CNTROB: variants seen among roughly 807,000 people sequenced by gnomAD.
The protein encoded by CNTROB is centrobin.
Under a neutral mutation model 115.7 loss-of-function variants are expected in CNTROB, and 82 were observed. The observed-to-expected ratio is 0.71, with a 90% CI of 0.59 to 0.85. The LOEUF (loss-of-function observed/expected upper bound fraction) is 0.85, where lower values mean the gene tolerates loss of function less well. CNTROB is among the 40% of genes least tolerant of loss of function. The pLI is 0.00. For synonymous variants in CNTROB, 439 were observed against 456.4 expected (o/e 0.96, Z 0.49); for missense variants, 1,014 against 1,144.4 (o/e 0.89, Z 1.64).
At position 7,933,321 on chromosome 17, in the gene CNTROB, T is replaced by C; in HGVS notation, c.242T>C (p.Val81Ala). The change falls in exon 1 of 19, where the codon GTC becomes GCC. Residue 81 changes from valine to alanine, a missense_variant. Physicochemically the swap from Val to Ala is moderately conservative, Grantham distance 64. Transcript: ENST00000563694. ...FAQELSRSLS[V>A]GLEKNLKKKD... ...CAAGAATTGAGTCGAAGCTTGTCAG[T>C]CGGATTGGAAAAGAACTTGAAGAAA... The C allele has an allele frequency of 6.2e-7, 1 of 1,613,830 alleles. No homozygotes were observed. The highest frequency in any genetic ancestry group is 1.7e-5 in the Admixed American group (1 of 59,958).
At chr17:7,934,442 G>C in intron 2 of CNTROB, 23 bp from the exon 3 acceptor site, 2 of 1,611,438 alleles carry the variant, frequency 1.2e-6, no homozygotes, top group Non-Finnish European at 1.7e-6. Context: ...CTCTGGCTTT[G>C]GGGTCCCTCT....
chr17:7,938,029 G>A (rs1407679629), intron 7 of CNTROB, among the ~76,000 whole-genome samples: 1 of 119,728 alleles, frequency 8.4e-6, no homozygotes, highest in Non-Finnish European at 1.6e-5. Flanking sequence ...TTGAGACAGG[G>A]TCGCGCTCTG....
chr17:7,949,217 A>C (rs984052441), intron 18 of CNTROB, 60 bp downstream of exon 18: 7 of 1,567,440 alleles, frequency 4.5e-6, no homozygotes, highest in Non-Finnish European at 6.2e-6. Flanking sequence ...CAGCTCCTTC[A>C]CCTCTGCACA....
intron 7 of CNTROB, among the ~76,000 whole-genome samples, chr17:7,937,948 G>T (rs577374569): frequency 2.9e-4 from 44 of 150,976 alleles, no homozygotes; most frequent in African/African-American, 1.0e-3. Context: ...GACCTCTGGT[G>T]TAGGGCATGG....
At position 7,936,713 on chromosome 17, in the gene CNTROB, G is replaced by A; in HGVS notation, c.724G>A (p.Val242Met). Residue 242 changes from valine (V) to methionine (M), a missense_variant, in exon 6 of 19, where the codon GTG becomes ATG. Physicochemically the swap from Val to Met is conservative, Grantham distance 21. Coordinates refer to ENST00000563694, the MANE Select transcript of CNTROB (RefSeq NM_053051.5). ...IEQLDKTLAR[V>M]VEGWNRHEAE... Reference sequence around the variant, plus strand: ...TGCCCTACCTAAGACCCTGGCCCGTGTGGTGGAGGGCTGGAACCGGCATGA... The same window carrying A: ...TGCCCTACCTAAGACCCTGGCCCGTATGGTGGAGGGCTGGAACCGGCATGA... 5.5e-6 allele frequency: 8 copies of A among 1,465,674 alleles called. No individual in the cohort carries two copies. The highest frequency in any genetic ancestry group is 7.7e-6 in the Non-Finnish European group (8 of 1,044,438). 90.8% of individuals were successfully genotyped at this position (1,465,674 alleles called of 1,614,324 possible).
intron 9 of CNTROB, 79 bp downstream of exon 9, chr17:7,940,321 C>A (rs1323951522): frequency 2.3e-6 from 3 of 1,321,884 alleles, no homozygotes; most frequent in South Asian, 1.5e-5. Context: ...GGAGTTGTGG[C>A]AGACACTCCC....
At position 7,944,319 on chromosome 17, in the gene CNTROB, G is replaced by A. The variant is rs745812613; in HGVS notation, c.1571+71G>A. 4 of 1,571,678 alleles carry A rather than the reference G, an allele frequency of 2.5e-6. No homozygotes were observed. Among genetic ancestry groups the A allele is most frequent in the East Asian group, 2.2e-5 (1 of 44,676 alleles). ...ATGGGTAGAGCCCAAACTGGGAACGGTGAAGAGCTGCTCCCTTGATTGATC... is the reference window on the plus strand; with the variant it reads ...ATGGGTAGAGCCCAAACTGGGAACGATGAAGAGCTGCTCCCTTGATTGATC... On this transcript the variant is annotated intron_variant, in intron 11 of 18. Transcript: ENST00000563694. The surrounding 1 kb of genome is among the most constrained non-coding windows in gnomAD (Gnocchi z 4.0).
In CNTROB at chr17:7,939,722, G is replaced by T. The variant is rs200520635; in HGVS notation, c.1137G>T (p.Glu379Asp). The T allele has an allele frequency of 1.5e-5, 24 of 1,614,132 alleles. No homozygotes were observed. The East Asian group carries it at 5.3e-4, about 36-fold the overall frequency. ...LKEHYQALQEESQAQLEREKE... is the reference protein window; with the variant it reads ...LKEHYQALQEDSQAQLEREKE... The stretch of plus-strand genomic sequence containing the variant: ...AACACTACCAGGCGCTGCAGGAGGA[G>T]AGCCAGGCTCAGCTGGAAAGGGAGA... Residue 379 changes from glutamate to aspartate, a missense_variant, in exon 8 of 19, where the codon GAG (glutamate) becomes GAT (aspartate). Coordinates refer to ENST00000563694, the MANE Select transcript of CNTROB (RefSeq NM_053051.5). The surrounding 1 kb of genome is among the most constrained non-coding windows in gnomAD (Gnocchi z 4.4).
At chr17:7,938,725 C>T (rs1312668322) in intron 7 of CNTROB, among the ~76,000 whole-genome samples, 1 of 152,210 alleles carries the variant, frequency 6.6e-6, no homozygotes, top group Admixed American at 6.5e-5. Context: ...GTCTACCTGG[C>T]TCTGGAACAG....
intron 13 of CNTROB, among the ~76,000 whole-genome samples, chr17:7,947,283 C>A (rs1482887066): frequency 6.6e-6 from 1 of 152,030 alleles, no homozygotes; most frequent in African/African-American, 2.4e-5. Flanking sequence ...TTACTCATTT[C>A]CATTCTTCAG....
At chr17:7,942,011 A>C (rs1165963535) in intron 9 of CNTROB, among the ~76,000 whole-genome samples, 12 of 151,776 alleles carry the variant, frequency 7.9e-5, no homozygotes, top group Admixed American at 2.6e-4. Flanking sequence ...TCACGCCTGT[A>C]ATCCCAGCAC....
rs755572579 is a variant in CNTROB at position 7,944,206 on chromosome 17, G to A, written c.1529G>A (p.Arg510Gln). The change falls in exon 11 of 19, where the codon CGA (arginine) becomes CAA (glutamine). Residue 510 changes from arginine to glutamine, a missense_variant. Physicochemically the swap from Arg to Gln is conservative, Grantham distance 43. Coordinates refer to ENST00000563694, the MANE Select transcript of CNTROB (RefSeq NM_053051.5). This position sits in a 1 kb window ranked among gnomAD's most constrained non-coding sequence, Gnocchi z 4.0. ...CAGTTCAAGGTGGAAATGGCAGAAC[G>A]AGAGGAACGGCAACAGCAGGTGGCT... ...LAQFKVEMAE[R>Q]EERQQQVAED... The A allele has an allele frequency of 6.2e-6, 10 of 1,613,680 alleles. No individual in the cohort carries two copies. The South Asian group carries it at 6.6e-5, about 11-fold the overall frequency.
At chr17:7,933,989 G>C in intron 1 of CNTROB, 149 bp from the exon 2 acceptor site, 1 of 636,912 alleles carries the variant, frequency 1.6e-6, no homozygotes, top group Non-Finnish European at 2.8e-6. Context: ...TGTAGTATTT[G>C]AATTTCTGAT....
In CNTROB at chr17:7,949,893, T is replaced by C. The variant is rs181586315; in HGVS notation, c.*383T>C. The stretch of plus-strand genomic sequence containing the variant: ...TTTCTAAAACAAGTATATGTTACTT[T>C]AATAATCAGAACAGACCCAAACTTT... On this transcript the variant is annotated 3_prime_UTR_variant, in exon 19 of 19. Coordinates refer to ENST00000563694, the MANE Select transcript of CNTROB (RefSeq NM_053051.5). 2.4e-3 allele frequency: 387 copies of C among 164,254 alleles called. 3 individuals carry two copies. The highest frequency in any genetic ancestry group is 8.7e-3 in the African/African-American group (368 of 42,110). The allele number at this position is 164,254 out of a possible 1,614,324, so 10.2% of individuals were successfully genotyped here. A position where few individuals can be genotyped will look rare whatever the true frequency, so the allele number is the denominator to read the frequency against.
At chr17:7,947,018 G>A (rs572860924) in intron 13 of CNTROB, among the ~76,000 whole-genome samples, 195 of 152,030 alleles carry the variant, frequency 1.3e-3, no homozygotes, top group African/African-American at 4.5e-3. Context: ...AAAGTTAGCC[G>A]GGCGTGGTGG....
At position 7,932,934 on chromosome 17, in the gene CNTROB, T is replaced by G; in HGVS notation, c.-146T>G. On this transcript the variant is annotated 5_prime_UTR_variant, in exon 1 of 19. Transcript: ENST00000563694. ...AAACCTTTCCTCTAACCAGAAAGCC[T>G]CGATATCCTTAATTCACCAAGGATC... 1.1e-6 allele frequency: 1 copy of G among 896,888 alleles called. No homozygotes were observed. The highest frequency in any genetic ancestry group is 1.7e-6 in the Non-Finnish European group (1 of 592,202). 55.6% of individuals were successfully genotyped at this position (896,888 alleles called of 1,614,324 possible). A position where few individuals can be genotyped will look rare whatever the true frequency, so the allele number is the denominator to read the frequency against.
chr17:7,948,009 C>G lies in CNTROB; in HGVS notation c.2209+30C>G. 1 of 1,606,798 alleles carries G rather than the reference C, an allele frequency of 6.2e-7. No individual in the cohort carries two copies. Among genetic ancestry groups the G allele is most frequent in the Non-Finnish European group, 8.5e-7 (1 of 1,173,384 alleles). On this transcript the variant is annotated intron_variant, in intron 15 of 18. Transcript: ENST00000563694. The surrounding 1 kb of genome is among the most constrained non-coding windows in gnomAD (Gnocchi z 4.4). ...GTTCCAACTCTGAAGAAGGTTGGGG[C>G]TGGGGCCTAGGAAAGATCGGAGTTG...
chr17:7,945,713 C>T lies in CNTROB; in HGVS notation c.1735-15C>T, dbSNP rs1444827501. On this transcript the variant is annotated splice_polypyrimidine_tract_variant and intron_variant, in intron 12 of 18. Coordinates refer to ENST00000563694, the MANE Select transcript of CNTROB (RefSeq NM_053051.5). ...ACTGTGCTTTGACCCTTCTTTCTGC[C>T]TCTCTCCTGGTCAGGCTCCTCCTGC... is the stretch of plus-strand genomic sequence containing the variant. 2.5e-6 allele frequency: 4 copies of T among 1,610,616 alleles called. No individual in the cohort carries two copies. The highest frequency in any genetic ancestry group is 1.3e-5 in the African/African-American group (1 of 74,770).
chr17:7,933,395 A>G, intron 1 of CNTROB, 46 bp downstream of exon 1: 2 of 1,558,816 alleles, frequency 1.3e-6, no homozygotes, highest in Non-Finnish European at 1.7e-6. Flanking sequence ...TAGACACCAG[A>G]GAGTCTTGGG....
Sources: gnomAD v4.1 joint callset for allele counts (sites outside exome capture counted in the v4.1 genomes callset) on GRCh38, gnomAD v4.1.1 for gene constraint, Gnocchi (gnomAD v3.1) non-coding constraint, MANE v1.5 for transcripts, NCBI Gene and HGNC (gene_info 2026-07-23, HGNC 2026-07-21) for gene names.